The following PIGL variants were observed in gnomAD, a reference collection of about 807,000 sequenced individuals.
PIGL encodes phosphatidylinositol glycan anchor biosynthesis class L.
In PIGL, 22 loss-of-function variants were observed where a neutral mutation model predicts 31.1. The observed-to-expected ratio is 0.71, with a 90% CI of 0.51 to 1.01. PIGL has a LOEUF of 1.01. Among genes scored for constraint, PIGL ranks in the 50% least tolerant of loss-of-function variants. The pLI is 0.00. For synonymous variants in PIGL, 131 were observed against 117.4 expected (o/e 1.12, Z -0.75); for missense variants, 302 against 315.9 (o/e 0.96, Z 0.33).
At chr17:16,312,167 G>T (rs1300196209) in intron 3 of PIGL, among the ~76,000 whole-genome samples, 1 of 150,444 alleles carries the variant, frequency 6.6e-6, no homozygotes, top group Non-Finnish European at 1.5e-5. Context: ...CCCGGACGGG[G>T]CGGCTGCTGG....
At chr17:16,298,235 C>A (rs2092990719) in intron 2 of PIGL, among the ~76,000 whole-genome samples, 1 of 152,110 alleles carries the variant, frequency 6.6e-6, no homozygotes, top group African/African-American at 2.4e-5. Flanking sequence ...CCTCCAGTGA[C>A]TCTCCTTTGC....
chr17:16,236,398 T>C (rs990790373), intron 2 of PIGL, among the ~76,000 whole-genome samples: 8 of 152,206 alleles, frequency 5.3e-5, no homozygotes, highest in African/African-American at 1.9e-4. Flanking sequence ...CTGTCTTTTA[T>C]GATTTCCTTC....
intron 1 of PIGL, among the ~76,000 whole-genome samples, chr17:16,223,083 C>G (rs1305037454): frequency 6.6e-6 from 1 of 152,136 alleles, no homozygotes; most frequent in Non-Finnish European, 1.5e-5. Context: ...GTGCTATCCT[C>G]TATGTAGACG....
chr17:16,235,561 C>A (rs1471734085), intron 2 of PIGL, among the ~76,000 whole-genome samples: 1 of 151,250 alleles, frequency 6.6e-6, no homozygotes, highest in East Asian at 1.9e-4. Context: ...GTTCTCCCCC[C>A]TCAGTCTCCC....
chr17:16,306,522 C>CTTTTT (rs34479966), intron 3 of PIGL, among the ~76,000 whole-genome samples: 9 of 113,652 alleles, frequency 7.9e-5, no homozygotes, highest in Non-Finnish European at 1.0e-4. Context: ...GTTATACGAT[C>CTTTTT]TTTTTTTTTT....
At chr17:16,284,676 G>C (rs894519699) in intron 2 of PIGL, among the ~76,000 whole-genome samples, 6 of 152,106 alleles carry the variant, frequency 3.9e-5, no homozygotes, top group African/African-American at 1.4e-4. Context: ...CACGAGGACA[G>C]CTTCAATTCC....
At chr17:16,259,951 C>T (rs1303152770) in intron 2 of PIGL, among the ~76,000 whole-genome samples, 1 of 152,234 alleles carries the variant, frequency 6.6e-6, no homozygotes, top group African/African-American at 2.4e-5. Flanking sequence ...CTGGCCTCTT[C>T]CTGTTCCTGG....
intron 2 of PIGL, among the ~76,000 whole-genome samples, chr17:16,258,101 G>GAGAGAC (rs2092803221): frequency 8.6e-6 from 1 of 115,902 alleles, no homozygotes; most frequent in African/African-American, 3.4e-5. Flanking sequence ...GAGAGAGAGA[G>GAGAGAC]AAAGAGAGAG....
At chr17:16,271,117 A>T (rs2092870205) in intron 2 of PIGL, among the ~76,000 whole-genome samples, 2 of 152,176 alleles carry the variant, frequency 1.3e-5, no homozygotes, top group African/African-American at 4.8e-5. Flanking sequence ...ATCTTAGGGA[A>T]TTTCATTATG....
chr17:16,270,865 C>T (rs1446678092), intron 2 of PIGL, among the ~76,000 whole-genome samples: 1 of 150,890 alleles, frequency 6.6e-6, no homozygotes, highest in Admixed American at 6.6e-5. Flanking sequence ...TGCATTCCAG[C>T]CTGTGCGACA....
intron 1 of PIGL, among the ~76,000 whole-genome samples, chr17:16,228,639 T>C (rs565501638): frequency 4.7e-5 from 7 of 149,974 alleles, no homozygotes; most frequent in African/African-American, 1.2e-4. Context: ...CCGCCCGCCT[T>C]GGCCTCCCAA....
At chr17:16,220,030 G>A (rs924737664) in intron 1 of PIGL, among the ~76,000 whole-genome samples, 4 of 151,998 alleles carry the variant, frequency 2.6e-5, no homozygotes, top group Admixed American at 1.3e-4. Context: ...ATAAAAATTT[G>A]GGACCAGAAT....
At chr17:16,239,031 C>T (rs2092711754) in intron 2 of PIGL, among the ~76,000 whole-genome samples, 1 of 151,240 alleles carries the variant, frequency 6.6e-6, no homozygotes, top group South Asian at 2.1e-4. Context: ...GCCGGAGCCA[C>T]CTTGCCCGAC....
chr17:16,292,862 C>G (rs971400218), intron 2 of PIGL, among the ~76,000 whole-genome samples: 7 of 152,196 alleles, frequency 4.6e-5, no homozygotes, highest in African/African-American at 1.7e-4. Flanking sequence ...ACCAAGAGGG[C>G]TTCTCCTGTT....
chr17:16,289,881 A>ATT (rs779024127), intron 2 of PIGL, among the ~76,000 whole-genome samples: 8 of 152,006 alleles, frequency 5.3e-5, no homozygotes, highest in Admixed American at 1.3e-4. Context: ...GGTTAAAGCG[A>ATT]TTCTCCTGCC....
chr17:16,227,873 C>T (rs2092659603), intron 1 of PIGL, among the ~76,000 whole-genome samples: 1 of 151,940 alleles, frequency 6.6e-6, no homozygotes, highest in South Asian at 2.1e-4. Flanking sequence ...GCCACTGCAC[C>T]CAGCCTTTTT....
chr17:16,325,993 C>G lies in PIGL; in HGVS notation c.*95C>G, dbSNP rs2093125942. 1.1e-6 allele frequency: 1 copy of G among 871,986 alleles called. No individual in the cohort carries two copies. The highest frequency in any genetic ancestry group is 1.9e-6 in the Non-Finnish European group (1 of 532,730). The allele number at this position is 871,986 out of a possible 1,614,324, so 54.0% of individuals were successfully genotyped here. On this transcript the variant is annotated 3_prime_UTR_variant, in exon 7 of 7. Transcript: ENST00000225609. Reference sequence around the variant, plus strand: ...TGGCACTGGCTTATTTACCTGAGCTCAAGGAGATCCCCGCTGGAGCAGCCT... The same window carrying G: ...TGGCACTGGCTTATTTACCTGAGCTGAAGGAGATCCCCGCTGGAGCAGCCT...
At chr17:16,225,479 C>T (rs1394481659) in intron 1 of PIGL, among the ~76,000 whole-genome samples, 2 of 149,004 alleles carry the variant, frequency 1.3e-5, no homozygotes, top group Non-Finnish European at 3.0e-5. Flanking sequence ...AGCTCCGCCT[C>T]CTGGGTTCAC....
intron 3 of PIGL, among the ~76,000 whole-genome samples, chr17:16,312,143 C>T (rs1169174674): frequency 6.9e-6 from 1 of 145,962 alleles, no homozygotes; most frequent in Non-Finnish European, 1.5e-5. Flanking sequence ...CTGCCCGCAG[C>T]CCCCCACCTC....
Sources: allele counts gnomAD v4.1 joint callset (sites outside exome capture counted in the v4.1 genomes callset), GRCh38; gene constraint gnomAD v4.1.1; transcripts MANE v1.5; gene names NCBI Gene and HGNC (gene_info 2026-07-23, HGNC 2026-07-21).